The following PNPLA1 variants were observed in gnomAD, a reference collection of about 807,000 sequenced individuals.
The protein encoded by PNPLA1 is patatin like domain 1, omega-hydroxyceramide transacylase.
PNPLA1 carries 36 observed loss-of-function variants against 51.7 expected under a neutral mutation model. That is an observed-to-expected ratio of 0.70 (90% CI 0.53 to 0.92). PNPLA1 has a LOEUF of 0.92. Ranked by LOEUF, PNPLA1 falls within the 40% of genes least tolerant of loss-of-function variation. The pLI is 0.00. For synonymous variants in PNPLA1, 293 were observed against 280.1 expected (o/e 1.05, Z -0.46); for missense variants, 658 against 682.5 (o/e 0.96, Z 0.40).
In PNPLA1 at chr6:36,245,584, G is replaced by A. The variant is rs116015961; in HGVS notation, c.-81+2323G>A. 8.2e-3 allele frequency among the ~76,000 whole-genome samples: 1,253 copies of A among 152,320 alleles called. 31 individuals carry two copies. Among genetic ancestry groups the A allele is most frequent in the African/African-American group, 0.028 (1,172 of 41,558 alleles). On this transcript the variant is annotated intron_variant, in intron 1 of 7. Coordinates refer to the PNPLA1 transcript ENST00000312917. ...TCAGGATGCTGGTCCTGCCTTCCAG[G>A]CACTGCTGCAGGGAGGGGTGGGTGG...
chr6:36,306,161 A>G, intron 6 of PNPLA1, 131 bp from the exon 7 acceptor site: 1 of 704,588 alleles, frequency 1.4e-6, no homozygotes, highest in Non-Finnish European at 2.3e-6. Context: ...GGTTGTAAAG[A>G]TGAGAATTTG....
Position 36,291,355 on chromosome 6 carries a change from G to A in PNPLA1, c.241G>A (p.Glu81Lys), listed in dbSNP as rs775466684. Residue 81 changes from glutamate (E) to lysine (K), a missense_variant, in exon 2 of 9, where the codon GAG (glutamate) becomes AAG (lysine). By Grantham distance (56) the Glu-to-Lys change is moderately conservative (BLOSUM62 1). Coordinates refer to ENST00000636260, the MANE Select transcript of PNPLA1 (RefSeq NM_001374623.1). ...YLRVLNVGVAEVKKSFLGPLS... is the reference protein window; with the variant it reads ...YLRVLNVGVAKVKKSFLGPLS... ...CAGAGTCCTCAACGTGGGTGTGGCC[G>A]AGGTGAAGAAATCCTTCCTGGGGCC... 11 of 1,613,984 alleles carry A rather than the reference G, an allele frequency of 6.8e-6. No homozygotes were observed. Among genetic ancestry groups the A allele is most frequent in the Non-Finnish European group, 8.5e-6 (10 of 1,180,004 alleles).
intron 1 of PNPLA1, among the ~76,000 whole-genome samples, chr6:36,260,325 A>G (rs895267631): frequency 6.6e-6 from 1 of 152,162 alleles, no homozygotes; most frequent in Non-Finnish European, 1.5e-5. Flanking sequence ...TAAAATGGCA[A>G]TTGATGGTGA....
chr6:36,291,627 C>T (rs746412821), intron 2 of PNPLA1, 75 bp downstream of exon 2: 2 of 1,243,528 alleles, frequency 1.6e-6, no homozygotes, highest in African/African-American at 3.0e-5. Context: ...CTCCACAGCT[C>T]AACCCGATGC....
intron 1 of PNPLA1, among the ~76,000 whole-genome samples, chr6:36,262,174 G>A (rs1769664236): frequency 6.6e-6 from 1 of 152,130 alleles, no homozygotes; most frequent in Non-Finnish European, 1.5e-5. Context: ...GGCTACAGAA[G>A]CCCAGGCTGA....
At chr6:36,250,979 G>T (rs1769409709) in intron 1 of PNPLA1, among the ~76,000 whole-genome samples, 1 of 152,196 alleles carries the variant, frequency 6.6e-6, no homozygotes, top group Non-Finnish European at 1.5e-5. Context: ...TGGGATTACA[G>T]GTGTGAGCCA....
chr6:36,281,871 A>G (rs990681529), intron 1 of PNPLA1, among the ~76,000 whole-genome samples: 3 of 151,718 alleles, frequency 2.0e-5, no homozygotes, highest in African/African-American at 7.3e-5. Flanking sequence ...AATACAAAAA[A>G]TTAGCCGGGC....
intron 1 of PNPLA1, among the ~76,000 whole-genome samples, chr6:36,283,197 T>G (rs1770375383): frequency 6.6e-6 from 1 of 152,164 alleles, no homozygotes; most frequent in Non-Finnish European, 1.5e-5. Flanking sequence ...TATTAGAATC[T>G]CACCAATTTT....
At chr6:36,279,858 A>G (rs1396938501) in intron 1 of PNPLA1, among the ~76,000 whole-genome samples, 1 of 152,258 alleles carries the variant, frequency 6.6e-6, no homozygotes, top group Non-Finnish European at 1.5e-5. Flanking sequence ...AGAAAAGCAT[A>G]GATAAAGCAG....
chr6:36,296,948 C>T (rs1770876135), intron 5 of PNPLA1, among the ~76,000 whole-genome samples: 1 of 152,140 alleles, frequency 6.6e-6, no homozygotes, highest in Non-Finnish European at 1.5e-5. Context: ...GTAAAAGGGG[C>T]CTTATGGTTT....
At chr6:36,279,066 G>A (rs1350129948) in intron 1 of PNPLA1, among the ~76,000 whole-genome samples, 2 of 152,188 alleles carry the variant, frequency 1.3e-5, no homozygotes, top group East Asian at 3.8e-4. Flanking sequence ...AGGGAAGAGA[G>A]TTCCAGGCTG....
intron 1 of PNPLA1, among the ~76,000 whole-genome samples, chr6:36,281,013 G>A (rs975187026): frequency 1.3e-5 from 2 of 152,052 alleles, no homozygotes; most frequent in East Asian, 1.9e-4. Context: ...CATTAGTCTC[G>A]AACTCCTGGC....
Position 36,303,580 on chromosome 6 carries a change from C to T in PNPLA1, c.1384+1111C>T, listed in dbSNP as rs1243254799. ...GGTGTGGTCACTCACACCTGTAATT[C>T]CAGCACTTTGGGAGGCCAAAGCGGG... On this transcript the variant is annotated intron_variant, in intron 6 of 8. Transcript: ENST00000636260. Among the ~76,000 whole-genome samples the T allele has an allele frequency of 2.0e-5, 3 of 152,148 alleles. No homozygotes were observed. In the East Asian group the frequency reaches 5.8e-4, roughly 29 times the overall value.
At chr6:36,264,638 C>G (rs1033307119) in intron 1 of PNPLA1, among the ~76,000 whole-genome samples, 1 of 152,102 alleles carries the variant, frequency 6.6e-6, no homozygotes, top group Admixed American at 6.6e-5. Flanking sequence ...TTACTTGTGA[C>G]GTCTCATTGC....
chr6:36,289,497 G>A (rs149120079), intron 1 of PNPLA1, among the ~76,000 whole-genome samples: 3 of 152,198 alleles, frequency 2.0e-5, no homozygotes, highest in East Asian at 3.9e-4. Flanking sequence ...CACTAAAACC[G>A]TAGGGCCTTT....
At chr6:36,279,316 A>T (rs956553174) in intron 1 of PNPLA1, among the ~76,000 whole-genome samples, 55 of 152,314 alleles carry the variant, frequency 3.6e-4, no homozygotes, top group African/African-American at 1.3e-3. Context: ...CTCCCACACT[A>T]GGGCCAGTGC....
In PNPLA1 at chr6:36,302,147, T is replaced by C. The variant is rs761075511; in HGVS notation, c.1062T>C (p.Pro354=). 1.9e-6 allele frequency: 3 copies of C among 1,614,130 alleles called. No homozygotes were observed. Among genetic ancestry groups the C allele is most frequent in the Non-Finnish European group, 2.5e-6 (3 of 1,180,052 alleles). Residue 354 remains proline (P), a synonymous_variant, in exon 6 of 9, where the codon CCT becomes CCC. Coordinates refer to ENST00000636260, the MANE Select transcript of PNPLA1 (RefSeq NM_001374623.1). ...SAPVSPLEQP[P]AQPLASSTPL... The stretch of plus-strand genomic sequence containing the variant: ...CAGTCTCTCCACTTGAGCAGCCACC[T>C]GCACAGCCACTGGCCTCTTCAACTC...
chr6:36,299,897 T>A (rs1770977860), intron 5 of PNPLA1, among the ~76,000 whole-genome samples: 1 of 152,168 alleles, frequency 6.6e-6, no homozygotes, highest in South Asian at 2.1e-4. Flanking sequence ...GTGAAAATAA[T>A]ACAGGGTGTT....
upstream of PNPLA1, among the ~76,000 whole-genome samples, chr6:36,269,962 G>A (rs1029250938): frequency 1.3e-5 from 2 of 152,222 alleles, no homozygotes; most frequent in Non-Finnish European, 2.9e-5. Context: ...CTTCACGGCC[G>A]CAGCAGCATG....
Sources: gnomAD v4.1 joint callset for allele counts (sites outside exome capture counted in the v4.1 genomes callset) on GRCh38, gnomAD v4.1.1 for gene constraint, MANE v1.5 for transcripts, NCBI Gene and HGNC (gene_info 2026-07-23, HGNC 2026-07-21) for gene names.